MAPK9: variants seen among roughly 807,000 people sequenced by gnomAD.
MAPK9 encodes Jun kinase.
A neutral mutation model predicts 57.1 loss-of-function variants in MAPK9; 30 were observed. The ratio of observed to expected loss-of-function variants is 0.53; its 90% CI spans 0.39 to 0.71. MAPK9 has a LOEUF of 0.71. Among genes scored for constraint, MAPK9 ranks in the 30% least tolerant of loss-of-function variants. MAPK9 has a pLI of 0.00. For synonymous variants in MAPK9, 155 were observed against 177.0 expected, an observed-to-expected ratio of 0.88 and a Z score of 0.99; for missense variants, 362 against 521.0, an observed-to-expected ratio of 0.69 and a Z score of 2.97.
intron 2 of MAPK9, among the ~76,000 whole-genome samples, chr5:180,276,923 A>G (rs953461874): frequency 6.6e-6 from 1 of 152,168 alleles, no homozygotes; most frequent in Non-Finnish European, 1.5e-5. Context: ...ATTTAAAGGA[A>G]CAAAAACAAA....
chr5:180,249,666 G>A (rs751519614), intron 5 of MAPK9, among the ~76,000 whole-genome samples: 18 of 152,178 alleles, frequency 1.2e-4, no homozygotes, highest in Admixed American at 3.3e-4. Context: ...TAATGCGAAC[G>A]ATGTGTATAA....
chr5:180,284,674 A>G (rs1366516502), intron 1 of MAPK9, among the ~76,000 whole-genome samples: 1 of 152,252 alleles, frequency 6.6e-6, no homozygotes, highest in Non-Finnish European at 1.5e-5. Flanking sequence ...ACAAGTATCC[A>G]AACATATTTG....
Position 180,242,281 on chromosome 5 carries a change from G to A in MAPK9, c.871+292C>T, listed in dbSNP as rs1009648354. On this transcript the variant is annotated intron_variant, in intron 8 of 11. Coordinates refer to ENST00000452135, the MANE Select transcript of MAPK9 (RefSeq NM_002752.5). ...TCTGACTCTAGAATCTGCATTAAGT[G>A]TTCTTCTTACCTGAAAACTTTTTGA... Among the ~76,000 whole-genome samples, 5 of 152,288 alleles carry A rather than the reference G, an allele frequency of 3.3e-5. No homozygotes were observed. In the East Asian group the frequency reaches 9.6e-4, roughly 29 times the overall value.
chr5:180,251,546 G>A (rs1758695034), intron 5 of MAPK9, among the ~76,000 whole-genome samples: 1 of 152,170 alleles, frequency 6.6e-6, no homozygotes, highest in Non-Finnish European at 1.5e-5. Flanking sequence ...GTGGCCAATG[G>A]GGAGGTGGCT....
At chr5:180,269,436 T>C in intron 2 of MAPK9, 27 bp from the exon 3 acceptor site, 1 of 1,607,002 alleles carries the variant, frequency 6.2e-7, no homozygotes, top group African/African-American at 1.3e-5. Flanking sequence ...TAATGCACAA[T>C]CCATTAGAAC....
intron 3 of MAPK9, among the ~76,000 whole-genome samples, chr5:180,267,905 C>T (rs184890114): frequency 6.6e-6 from 1 of 152,198 alleles, no homozygotes; most frequent in Admixed American, 6.5e-5. Context: ...CTCTGTCGCC[C>T]AGGCTGGAGT....
intron 3 of MAPK9, among the ~76,000 whole-genome samples, chr5:180,267,428 G>A (rs1321179980): frequency 6.6e-6 from 1 of 151,818 alleles, no homozygotes; most frequent in Non-Finnish European, 1.5e-5. Flanking sequence ...TGGGTGTGGT[G>A]GCGGGCACCT....
At chr5:180,241,304 A>ATTT (rs568488906) in intron 8 of MAPK9, 149 bp from the exon 9 acceptor site, 199 of 524,148 alleles carry the variant, frequency 3.8e-4, no homozygotes, top group East Asian at 2.8e-3. Flanking sequence ...ATAACCCAAA[A>ATTT]TTTTTTTTTT....
In MAPK9 at chr5:180,235,621, T is replaced by C. The variant is rs2127571144; in HGVS notation, c.*763A>G. The C allele has an allele frequency of 6.6e-6, 1 of 152,304 alleles. No homozygotes were observed. Among genetic ancestry groups the C allele is most frequent in the South Asian group, 2.1e-4 (1 of 4,828 alleles). 9.4% of individuals were successfully genotyped at this position (152,304 alleles called of 1,614,324 possible). On this transcript the variant is annotated 3_prime_UTR_variant, in exon 12 of 12. Transcript: ENST00000452135. ...CCAAGAAGAAAAGAGATAAGGTAGCTAGGATTTCAAGCAGCACTAAGCAAA... is the reference window on the plus strand; with the variant it reads ...CCAAGAAGAAAAGAGATAAGGTAGCCAGGATTTCAAGCAGCACTAAGCAAA...
chr5:180,284,774 C>A (rs1213608569), intron 1 of MAPK9, among the ~76,000 whole-genome samples: 1 of 152,116 alleles, frequency 6.6e-6, no homozygotes, highest in African/African-American at 2.4e-5. Flanking sequence ...TAAATTATGG[C>A]ACAGAAGTAC....
intron 3 of MAPK9, among the ~76,000 whole-genome samples, chr5:180,267,527 C>A (rs530701469): frequency 0.01 from 1,545 of 148,440 alleles, 11 homozygotes; most frequent in Non-Finnish European, 0.015. Flanking sequence ...GCGCCACTGC[C>A]CTCCAGGTTG....
chr5:180,279,019 G>A lies in MAPK9; in HGVS notation c.122+1421C>T, dbSNP rs190747724. Among the ~76,000 whole-genome samples the A allele has an allele frequency of 4.8e-3, 718 of 149,536 alleles. 6 individuals carry two copies. Among genetic ancestry groups the A allele is most frequent in the African/African-American group, 0.017 (677 of 40,678 alleles). On this transcript the variant is annotated intron_variant, in intron 2 of 11. Coordinates refer to ENST00000452135, the MANE Select transcript of MAPK9 (RefSeq NM_002752.5). The stretch of plus-strand genomic sequence containing the variant: ...ATCGCCCAGGCTGGAGTGCAGTGGC[G>A]CGATCTTGGCTCACTGCAACCTCCA...
chr5:180,237,426 G>A (rs1272693913), intron 11 of MAPK9: 2 of 152,148 alleles, frequency 1.3e-5, no homozygotes, highest in Admixed American at 6.5e-5. Flanking sequence ...AAGTGAACAC[G>A]ACTCATATCA....
intron 1 of MAPK9, among the ~76,000 whole-genome samples, chr5:180,281,111 C>A (rs1237086945): frequency 6.6e-6 from 1 of 152,226 alleles, no homozygotes; most frequent in African/African-American, 2.4e-5. Context: ...GATTCATACG[C>A]CAAAGTGACA....
intron 11 of MAPK9, 47 bp downstream of exon 11, chr5:180,238,285 A>C (rs750798041): frequency 5.3e-6 from 8 of 1,498,618 alleles, no homozygotes; most frequent in East Asian, 2.3e-5. Context: ...AAAAAAGTTG[A>C]ATAGGGAAAG....
At chr5:180,273,545 T>C (rs1761551616) in intron 2 of MAPK9, among the ~76,000 whole-genome samples, 1 of 152,176 alleles carries the variant, frequency 6.6e-6, no homozygotes, top group African/African-American at 2.4e-5. Flanking sequence ...TTTTTTTATG[T>C]TGTGTTTAAA....
At chr5:180,250,198 G>C (rs1447895670) in intron 5 of MAPK9, among the ~76,000 whole-genome samples, 1 of 152,150 alleles carries the variant, frequency 6.6e-6, no homozygotes, top group Non-Finnish European at 1.5e-5. Flanking sequence ...CAGACACTTG[G>C]GAAGTGTCTG....
intron 1 of MAPK9, among the ~76,000 whole-genome samples, chr5:180,287,237 C>T (rs761155026): frequency 2.0e-5 from 3 of 152,088 alleles, no homozygotes; most frequent in Non-Finnish European, 2.9e-5. Flanking sequence ...AATTTTCACA[C>T]GATAAAAAAT....
chr5:180,275,062 G>A (rs1301714427), intron 2 of MAPK9, among the ~76,000 whole-genome samples: 4 of 151,994 alleles, frequency 2.6e-5, no homozygotes, highest in Admixed American at 6.6e-5. Flanking sequence ...CACCTTGAAC[G>A]TAATATCATA....
Sources: gnomAD v4.1 joint callset for allele counts (sites outside exome capture counted in the v4.1 genomes callset) on GRCh38, gnomAD v4.1.1 for gene constraint, MANE v1.5 for transcripts, NCBI Gene and HGNC (gene_info 2026-07-23, HGNC 2026-07-21) for gene names.